The following SLC16A2 variants were observed in gnomAD, a reference collection of about 807,000 sequenced individuals.
The protein encoded by SLC16A2 is monocarboxylate transporter 8.
Under a neutral mutation model 27.2 loss-of-function variants are expected in SLC16A2, and 3 were observed. The observed-to-expected ratio is 0.11, with a 90% CI of 0.05 to 0.28. The LOEUF (loss-of-function observed/expected upper bound fraction) is 0.28. SLC16A2 is among the 10% of genes least tolerant of loss of function. The pLI is 1.00. For missense variants in SLC16A2, 295 were observed against 458.5 expected, an observed-to-expected ratio of 0.64 and a Z score of 3.26; for synonymous variants, 202 against 187.8, an observed-to-expected ratio of 1.08 and a Z score of -0.62.
chrX:74,457,807 C>A (rs1929063180), intron 1 of SLC16A2, among the ~76,000 whole-genome samples: 1 of 111,023 alleles, frequency 9.0e-6, no homozygotes, highest in African/African-American at 3.3e-5. Context: ...TCCCAAGAAC[C>A]AGACTTTGAG....
At chrX:74,464,222 A>G (rs2147850063) in intron 1 of SLC16A2, among the ~76,000 whole-genome samples, 1 of 112,363 alleles carries the variant, frequency 8.9e-6, no homozygotes, top group African/African-American at 3.2e-5. Flanking sequence ...GGGCTGTCAA[A>G]TAAAGCTGTT....
chrX:74,520,665 C>T (rs779916458), intron 1 of SLC16A2, among the ~76,000 whole-genome samples: 46 of 111,661 alleles, frequency 4.1e-4, no homozygotes, highest in African/African-American at 1.4e-3. Flanking sequence ...TGGAGACAAG[C>T]CTGACCTTAG....
chrX:74,503,686 A>G (rs1930075912), intron 1 of SLC16A2, among the ~76,000 whole-genome samples: 1 of 111,791 alleles, frequency 8.9e-6, no homozygotes, highest in Admixed American at 9.5e-5. Context: ...TTCTGGTACT[A>G]ACTTGCTTCG....
intron 1 of SLC16A2, among the ~76,000 whole-genome samples, chrX:74,504,284 G>T (rs1489161517): frequency 9.0e-6 from 1 of 111,696 alleles, no homozygotes; most frequent in Non-Finnish European, 1.9e-5. Flanking sequence ...ATCAGTGCTG[G>T]CATGAGTGGC....
At chrX:74,503,566 G>A (rs752001173) in intron 1 of SLC16A2, among the ~76,000 whole-genome samples, 4 of 111,522 alleles carry the variant, frequency 3.6e-5, no homozygotes, top group Admixed American at 9.6e-5. Flanking sequence ...CAGGAGCCTG[G>A]AGCATAGTAC....
chrX:74,527,029 C>G (rs1379612100), intron 4 of SLC16A2, among the ~76,000 whole-genome samples: 1 of 111,835 alleles, frequency 8.9e-6, no homozygotes, highest in African/African-American at 3.3e-5. Flanking sequence ...GGCAGCAGCC[C>G]CTGCCTAGTC....
At chrX:74,428,206 G>A (rs910977750) in intron 1 of SLC16A2, among the ~76,000 whole-genome samples, 2 of 111,267 alleles carry the variant, frequency 1.8e-5, no homozygotes, top group Non-Finnish European at 3.8e-5. Context: ...TAAACCTAGA[G>A]AGATTTCATC....
In SLC16A2 at chrX:74,512,739, A is replaced by G. The variant is rs73625806; in HGVS notation, c.431-8251A>G. ...AAGACATTAGCCTGAGTGCCTGGGT[A>G]AGGAGCCAAGGCACTAATTGAGTAT... On this transcript the variant is annotated intron_variant, in intron 1 of 5. Coordinates refer to ENST00000587091, the MANE Select transcript of SLC16A2 (RefSeq NM_006517.5). Among the ~76,000 whole-genome samples, 585 of 111,825 alleles carry G rather than the reference A, an allele frequency of 5.2e-3. 9 individuals are homozygous for G. The highest frequency in any genetic ancestry group is 0.018 in the African/African-American group (558 of 30,711).
At chrX:74,474,526 C>T (rs693539) in intron 1 of SLC16A2, among the ~76,000 whole-genome samples, 1,992 of 107,580 alleles carry the variant, frequency 0.019, 64 homozygotes, top group African/African-American at 0.058. Flanking sequence ...ATGTGCACAA[C>T]GTGCAGGTTT....
chrX:74,487,296 G>T (rs1432159561), intron 1 of SLC16A2, among the ~76,000 whole-genome samples: 1 of 110,758 alleles, frequency 9.0e-6, no homozygotes, highest in Non-Finnish European at 1.9e-5. Context: ...TGGGTAATAG[G>T]CCTATTCGTT....
intron 1 of SLC16A2, among the ~76,000 whole-genome samples, chrX:74,474,314 T>C (rs1929419672): frequency 8.9e-6 from 1 of 111,791 alleles, no homozygotes; most frequent in South Asian, 3.7e-4. Context: ...AAGTAGTATA[T>C]ACTTTTTGAT....
In SLC16A2 at chrX:74,496,156, G is replaced by A. The variant is rs778591959; in HGVS notation, c.431-24834G>A. Among the ~76,000 whole-genome samples, 3 of 111,141 alleles carry A rather than the reference G, an allele frequency of 2.7e-5. No homozygotes were observed. The East Asian group carries it at 8.6e-4, about 32-fold the overall frequency. On this transcript the variant is annotated intron_variant, in intron 1 of 5. Transcript: ENST00000587091. ...TGGTCAGGGGTGGGGATGGTGAAGA[G>A]GAGAGCCTAAGGAGCAGAGTTAGGG...
At chrX:74,430,210 T>C (rs1387299068) in intron 1 of SLC16A2, among the ~76,000 whole-genome samples, 1 of 112,420 alleles carries the variant, frequency 8.9e-6, no homozygotes, top group Non-Finnish European at 1.9e-5. Context: ...TTATTTCCTC[T>C]ATTTCACAGA....
intron 1 of SLC16A2, among the ~76,000 whole-genome samples, chrX:74,455,387 G>T (rs961091502): frequency 5.4e-5 from 6 of 111,194 alleles, no homozygotes; most frequent in Admixed American, 9.6e-5. Flanking sequence ...CTGTCTCAGG[G>T]TCATTAGGGG....
intron 1 of SLC16A2, among the ~76,000 whole-genome samples, chrX:74,476,538 G>A (rs1284717117): frequency 8.9e-6 from 1 of 111,814 alleles, no homozygotes; most frequent in East Asian, 2.8e-4. Flanking sequence ...GTGAGAGAGG[G>A]CATCCCTGTC....
Position 74,421,582 on chromosome X carries a change from A to C in SLC16A2, c.-56A>C. ...AGCAGCAGCTGCAGCAGCAGAAACA[A>C]GTACCAGCCACAAAGCGGCTCCTCT... On this transcript the variant is annotated 5_prime_UTR_variant, in exon 1 of 6. Coordinates refer to ENST00000587091, the MANE Select transcript of SLC16A2 (RefSeq NM_006517.5). 2 of 1,180,672 alleles carry C rather than the reference A, an allele frequency of 1.7e-6. No individual in the cohort carries two copies. Among genetic ancestry groups the C allele is most frequent in the Non-Finnish European group, 2.3e-6 (2 of 874,919 alleles).
At chrX:74,493,985 A>T (rs1199952867) in intron 1 of SLC16A2, among the ~76,000 whole-genome samples, 1 of 111,112 alleles carries the variant, frequency 9.0e-6, no homozygotes, top group Admixed American at 9.6e-5. Flanking sequence ...TCTTCCTCCC[A>T]AGAAAAGAGC....
chrX:74,473,809 C>G, intron 1 of SLC16A2: 1 of 545,892 alleles, frequency 1.8e-6, no homozygotes, highest in Non-Finnish European at 3.3e-6. Flanking sequence ...TTGGATCACT[C>G]ATTACCACAC....
chrX:74,491,794 T>G (rs1010459823), intron 1 of SLC16A2, among the ~76,000 whole-genome samples: 1 of 112,557 alleles, frequency 8.9e-6, no homozygotes, highest in Admixed American at 9.4e-5. Flanking sequence ...CTGTAGAAAA[T>G]TAGGACAATT....
Sources: gnomAD v4.1 joint callset for allele counts (sites outside exome capture counted in the v4.1 genomes callset) on GRCh38, gnomAD v4.1.1 for gene constraint, MANE v1.5 for transcripts, NCBI Gene and HGNC (gene_info 2026-07-23, HGNC 2026-07-21) for gene names.